CDYL: variants seen among roughly 807,000 people sequenced by gnomAD.
The protein encoded by CDYL is chromodomain Y-like protein.
CDYL carries 8 observed loss-of-function variants against 47.3 expected under a neutral mutation model. The observed-to-expected ratio is 0.17, with a 90% CI of 0.10 to 0.31. The LOEUF is 0.31. CDYL is among the 10% of genes least tolerant of loss of function. The pLI is 1.00. For missense variants in CDYL, 471 were observed against 701.4 expected, an observed-to-expected ratio of 0.67 and a Z score of 3.71; for synonymous variants, 266 against 265.0, an observed-to-expected ratio of 1.00 and a Z score of -0.04.
chr6:4,913,019 A>T (rs373466573), intron 2 of CDYL, among the ~76,000 whole-genome samples: 1 of 152,198 alleles, frequency 6.6e-6, no homozygotes, highest in Admixed American at 6.5e-5. Context: ...CTTGCCGGTG[A>T]GGTGGACTAG....
chr6:4,900,795 A>ATCTATATC (rs1561697531), intron 2 of CDYL, among the ~76,000 whole-genome samples: 1 of 60,008 alleles, frequency 1.7e-5, no homozygotes, highest in Admixed American at 1.5e-4. Flanking sequence ...ATATATATAT[A>ATCTATATC]TATATATATA....
At chr6:4,914,352 T>C (rs1757497160) in intron 2 of CDYL, among the ~76,000 whole-genome samples, 1 of 152,168 alleles carries the variant, frequency 6.6e-6, no homozygotes, top group African/African-American at 2.4e-5. Context: ...TCCTCTCCTC[T>C]GTGCCTGAAA....
intron 1 of CDYL, among the ~76,000 whole-genome samples, chr6:4,799,440 C>T (rs552446093): frequency 4.6e-5 from 7 of 151,942 alleles, no homozygotes; most frequent in Non-Finnish European, 8.8e-5. Context: ...ACATAGGTCT[C>T]CCATTTTTTT....
chr6:4,771,204 C>T (rs764044233), intron 3 of CDYL, among the ~76,000 whole-genome samples: 1 of 151,944 alleles, frequency 6.6e-6, no homozygotes, highest in Non-Finnish European at 1.5e-5. Context: ...ACCTCTGCCT[C>T]CCGGGTTCAA....
At position 4,896,049 on chromosome 6, in the gene CDYL, C is replaced by G. The variant is rs527269049; in HGVS notation, c.691+3670C>G. ...ATCTCTACCCCTCTCTCACTTCTGCCTGGGCGCTGGTCAGATCAGCCCTGA... is the reference window on the plus strand; with the variant it reads ...ATCTCTACCCCTCTCTCACTTCTGCGTGGGCGCTGGTCAGATCAGCCCTGA... On this transcript the variant is annotated intron_variant, in intron 2 of 6. Transcript: ENST00000397588. Among the ~76,000 whole-genome samples, 6 of 152,314 alleles carry G rather than the reference C, an allele frequency of 3.9e-5. 1 individual carries two copies. The South Asian group carries it at 1.2e-3, about 32-fold the overall frequency.
chr6:4,952,444 TA>T (rs1561728399), intron 6 of CDYL, 35 bp downstream of exon 6: 1 of 1,577,466 alleles, frequency 6.3e-7, no homozygotes, highest in East Asian at 2.3e-5. Context: ...CGTTACTTTT[TA>T]AAAAATAGAA....
At chr6:4,943,193 GCTC>G (rs1056280771) in intron 4 of CDYL, among the ~76,000 whole-genome samples, 1 of 152,122 alleles carries the variant, frequency 6.6e-6, no homozygotes, top group African/African-American at 2.4e-5. Context: ...TATGTACTGG[GCTC>G]CTGTGTCTTC....
At chr6:4,766,578 C>T (rs1001211403) in intron 3 of CDYL, among the ~76,000 whole-genome samples, 1 of 151,912 alleles carries the variant, frequency 6.6e-6, no homozygotes, top group African/African-American at 2.4e-5. Context: ...TGCTCCAGAC[C>T]CAGGTGGCTT....
Position 4,897,785 on chromosome 6 carries a change from T to TTTTTGTTTTG in CDYL, c.691+5415_691+5416insGTTTTGTTTT, listed in dbSNP as rs757220581. Among the ~76,000 whole-genome samples the TTTTTGTTTTG allele has an allele frequency of 0.034, 452 of 13,480 alleles. 6 individuals carry two copies. In the Middle Eastern group the frequency reaches 0.41, roughly 12 times the overall value. 8.8% of individuals were successfully genotyped at this position (13,480 alleles called of 152,430 possible). On this transcript the variant is annotated intron_variant, in intron 2 of 6. Transcript: ENST00000397588. ...TAACTATTTTCCTAGGTTTTGAAGG[T>TTTTTGTTTTG]TTTTGTTTTTTTTTTTTAAATTATC...
intron 3 of CDYL, among the ~76,000 whole-genome samples, chr6:4,750,950 T>C (rs1757978890): frequency 6.6e-6 from 1 of 151,648 alleles, no homozygotes. Flanking sequence ...CCTCCTGGGT[T>C]CACGCCATTC....
intron 2 of CDYL, among the ~76,000 whole-genome samples, chr6:4,921,668 G>T (rs1201022607): frequency 3.3e-5 from 5 of 152,076 alleles, no homozygotes; most frequent in Non-Finnish European, 7.4e-5. Flanking sequence ...CCCTTCAAAG[G>T]CTGGCTGCAG....
intron 1 of CDYL, among the ~76,000 whole-genome samples, chr6:4,820,303 G>T (rs113875817): frequency 0.027 from 4,039 of 152,252 alleles, 184 homozygotes; most frequent in African/African-American, 0.092. Flanking sequence ...AAAAATACCT[G>T]ATTTACTCTG....
intron 1 of CDYL, among the ~76,000 whole-genome samples, chr6:4,816,054 T>C (rs1759667620): frequency 6.6e-6 from 1 of 151,902 alleles, no homozygotes; most frequent in Admixed American, 6.6e-5. Flanking sequence ...TTAAAATTTT[T>C]CCACGTGAAA....
At chr6:4,768,668 C>T (rs1758292081) in intron 3 of CDYL, among the ~76,000 whole-genome samples, 2 of 152,052 alleles carry the variant, frequency 1.3e-5, no homozygotes, top group South Asian at 2.1e-4. Context: ...ACTCTGCCCT[C>T]GAGGGGAAAC....
intron 1 of CDYL, among the ~76,000 whole-genome samples, chr6:4,797,326 C>T (rs1445317676): frequency 6.6e-6 from 1 of 152,078 alleles, no homozygotes; most frequent in Non-Finnish European, 1.5e-5. Context: ...ACTTAAATTT[C>T]CCGACATTTC....
chr6:4,784,790 T>C (rs1758709308), intron 1 of CDYL, among the ~76,000 whole-genome samples: 1 of 152,206 alleles, frequency 6.6e-6, no homozygotes, highest in Non-Finnish European at 1.5e-5. Flanking sequence ...AATTCCCACG[T>C]ACCATGGGAG....
At chr6:4,840,109 A>G (rs1046651979) in intron 1 of CDYL, among the ~76,000 whole-genome samples, 1 of 151,662 alleles carries the variant, frequency 6.6e-6, no homozygotes, top group African/African-American at 2.4e-5. Context: ...AGTGTTTTGT[A>G]GTTTTTCTTG....
At chr6:4,869,662 C>T (rs898168510) in intron 1 of CDYL, among the ~76,000 whole-genome samples, 1 of 152,004 alleles carries the variant, frequency 6.6e-6, no homozygotes, top group South Asian at 2.1e-4. Context: ...TTTAATTTAT[C>T]GCAGCCCGCT....
rs757680739 is a variant in CDYL at position 4,734,794 on chromosome 6, A to G, written c.136A>G (p.Ile46Val). 7 of 1,614,200 alleles carry G rather than the reference A, an allele frequency of 4.3e-6. No homozygotes were observed. The East Asian group carries it at 1.6e-4, about 36-fold the overall frequency. Residue 46 changes from isoleucine (I) to valine (V), a missense_variant, in exon 3 of 9, where the codon ATC (isoleucine) becomes GTC (valine). Coordinates refer to the CDYL transcript ENST00000328908. ...ACCAGATGGGCCTTCAGACCCCAGC[A>G]TCTCCGTGAGCAGTGAGCAAAGCGG...
Sources: gnomAD v4.1 joint callset for allele counts (sites outside exome capture counted in the v4.1 genomes callset) on GRCh38, gnomAD v4.1.1 for gene constraint, MANE v1.5 for transcripts, NCBI Gene and HGNC (gene_info 2026-07-23, HGNC 2026-07-21) for gene names.